Variants in JPH3 observed in about 807,000 individuals in gnomAD.
The protein encoded by JPH3 is junctophilin-3.
JPH3 carries 11 observed loss-of-function variants against 59.6 expected under a neutral mutation model. The ratio of observed to expected loss-of-function variants is 0.18; its 90% CI spans 0.12 to 0.31. JPH3 has a LOEUF of 0.31. JPH3 is among the 10% of genes least tolerant of loss of function. The pLI, the probability that JPH3 is intolerant of heterozygous loss-of-function variation, is 1.00. For missense variants in JPH3, 1,202 were observed against 1,105.7 expected, an observed-to-expected ratio of 1.09 and a Z score of -1.24; for synonymous variants, 673 against 483.6, an observed-to-expected ratio of 1.39 and a Z score of -5.14.
chr16:87,674,207 G>A (rs1464038896), intron 2 of JPH3, among the ~76,000 whole-genome samples: 3 of 152,012 alleles, frequency 2.0e-5, no homozygotes, highest in East Asian at 1.9e-4. Flanking sequence ...GGTGGCGGGC[G>A]CCTGTAGTCC....
At chr16:87,664,331 GA>G (rs71389874) in intron 2 of JPH3, among the ~76,000 whole-genome samples, 103 of 127,712 alleles carry the variant, frequency 8.1e-4, no homozygotes, top group Middle Eastern at 0.011. Context: ...GACTCTGTCT[GA>G]AAAAAAAAAA....
intron 2 of JPH3, among the ~76,000 whole-genome samples, chr16:87,672,555 TG>T (rs1393670266): frequency 6.6e-6 from 1 of 152,128 alleles, no homozygotes; most frequent in Non-Finnish European, 1.5e-5. Flanking sequence ...CATCCTGTAT[TG>T]GGGGAGAACG....
chr16:87,642,828 A>G (rs1238769950), intron 1 of JPH3, among the ~76,000 whole-genome samples: 1 of 152,242 alleles, frequency 6.6e-6, no homozygotes, highest in African/African-American at 2.4e-5. Context: ...TCCCTGAGTC[A>G]CAGCTCACAG....
rs770776135 is a variant in JPH3 at position 87,696,683 on chromosome 16, T to G, written c.*23T>G. 9 of 1,585,994 alleles carry G rather than the reference T, an allele frequency of 5.7e-6. No individual in the cohort carries two copies. The highest frequency in any genetic ancestry group is 3.3e-5 in the South Asian group (3 of 90,496). On this transcript the variant is annotated 3_prime_UTR_variant, in exon 5 of 5. Coordinates refer to ENST00000284262, the MANE Select transcript of JPH3 (RefSeq NM_020655.4). The stretch of plus-strand genomic sequence containing the variant: ...TGATGAGATGTCGCGGTAGCAAAAA[T>G]AGAGAAAGGGTAGAAAAAAGGGACA...
intron 1 of JPH3, among the ~76,000 whole-genome samples, chr16:87,622,174 C>T (rs915708795): frequency 4.6e-5 from 7 of 152,186 alleles, no homozygotes; most frequent in Non-Finnish European, 7.3e-5. Context: ...ACCTCTCTGC[C>T]GCCGTCTGCC....
chr16:87,683,477 G>C (rs1378762261), intron 2 of JPH3, among the ~76,000 whole-genome samples: 2 of 151,698 alleles, frequency 1.3e-5, no homozygotes, highest in Non-Finnish European at 2.9e-5. Context: ...GCTAATTTTT[G>C]TAATTTTTAG....
In JPH3 at chr16:87,644,305, G is replaced by T; in HGVS notation, c.430G>T (p.Val144Phe). ...WVGGMRQGYG[V>F]RQSVPYGMAA... ...CGGTGGCATGCGCCAGGGCTACGGC[G>T]TCCGGCAGAGCGTCCCGTATGGCAT... Residue 144 changes from valine (V) to phenylalanine (F), a missense_variant, in exon 2 of 5, where the codon GTC (valine) becomes TTC (phenylalanine). Transcript: ENST00000284262. 2 of 1,612,566 alleles carry T rather than the reference G, an allele frequency of 1.2e-6. No homozygotes were observed. Among genetic ancestry groups the T allele is most frequent in the Non-Finnish European group, 1.7e-6 (2 of 1,179,796 alleles).
At chr16:87,671,731 A>C (rs904072447) in intron 2 of JPH3, among the ~76,000 whole-genome samples, 2 of 152,090 alleles carry the variant, frequency 1.3e-5, no homozygotes, top group Admixed American at 1.3e-4. Flanking sequence ...CCCTGGGCCC[A>C]AGATTCCTGG....
chr16:87,692,419 C>T (rs879876488), intron 4 of JPH3, among the ~76,000 whole-genome samples: 1 of 152,248 alleles, frequency 6.6e-6, no homozygotes, highest in African/African-American at 2.4e-5. Flanking sequence ...CCTTCAGTGC[C>T]ACCCCCTCAC....
intron 2 of JPH3, among the ~76,000 whole-genome samples, chr16:87,655,177 C>T (rs904138609): frequency 6.6e-6 from 1 of 152,208 alleles, no homozygotes; most frequent in Non-Finnish European, 1.5e-5. Context: ...GAGTCTGCCG[C>T]TGTGGGCTTC....
chr16:87,656,991 A>C (rs2032524919), intron 2 of JPH3, among the ~76,000 whole-genome samples: 1 of 152,202 alleles, frequency 6.6e-6, no homozygotes. Context: ...CCATCAGATT[A>C]GGGCCCCACC....
chr16:87,610,947 G>A (rs2030708780), intron 1 of JPH3, among the ~76,000 whole-genome samples: 1 of 152,090 alleles, frequency 6.6e-6, no homozygotes, highest in Admixed American at 6.5e-5. Context: ...CCTTTTCCTT[G>A]GCTTGATTCG....
chr16:87,689,931 G>A lies in JPH3; in HGVS notation c.1571G>A (p.Gly524Glu). The A allele has an allele frequency of 6.9e-7, 1 of 1,450,402 alleles. No individual in the cohort carries two copies. Among genetic ancestry groups the A allele is most frequent in the African/African-American group, 1.4e-5 (1 of 69,982 alleles). The allele number at this position is 1,450,402 out of a possible 1,614,324, so 89.8% of individuals were successfully genotyped here. A position where few individuals can be genotyped will look rare whatever the true frequency, so the allele number is the denominator to read the frequency against. The change falls in exon 4 of 5, where the codon GGG (glycine) becomes GAG (glutamate). Residue 524 changes from glycine (G) to glutamate (E), a missense_variant. By Grantham distance (98) the Gly-to-Glu change is moderately conservative. Coordinates refer to ENST00000284262, the MANE Select transcript of JPH3 (RefSeq NM_020655.4). The stretch of plus-strand genomic sequence containing the variant: ...CAGATGCTCCTGGAGGGCCGGGCCG[G>A]GGACTGCGCCCGCAGCAGCTGGGGC... ...DIQMLLEGRA[G>E]DCARSSWGEE...
intron 4 of JPH3, among the ~76,000 whole-genome samples, chr16:87,691,659 G>C (rs567536423): frequency 6.6e-6 from 1 of 152,116 alleles, no homozygotes; most frequent in Non-Finnish European, 1.5e-5. Flanking sequence ...ACGTCCTGCC[G>C]GGCGGCAATG....
chr16:87,621,497 C>T (rs903130578), intron 1 of JPH3, among the ~76,000 whole-genome samples: 2 of 152,208 alleles, frequency 1.3e-5, no homozygotes, highest in Admixed American at 1.3e-4. Flanking sequence ...TTCTTGCTCT[C>T]AGGAGCGTTG....
chr16:87,679,019 G>A (rs972935608), intron 2 of JPH3, among the ~76,000 whole-genome samples: 22 of 152,218 alleles, frequency 1.4e-4, no homozygotes. Context: ...ATTCATTACC[G>A]TAGCCCGGGA....
intron 3 of JPH3, among the ~76,000 whole-genome samples, chr16:87,687,978 G>C (rs954166723): frequency 9.9e-5 from 15 of 152,212 alleles, no homozygotes; most frequent in Non-Finnish European, 1.8e-4. Flanking sequence ...GCATGATTGG[G>C]GGCCTCTGAT....
chr16:87,643,615 G>A lies in JPH3; in HGVS notation c.383-643G>A, dbSNP rs145377806. Among the ~76,000 whole-genome samples, 343 of 152,292 alleles carry A rather than the reference G, an allele frequency of 2.3e-3. 3 individuals carry two copies. Among genetic ancestry groups the A allele is most frequent in the Non-Finnish European group, 4.2e-3 (283 of 68,024 alleles). On this transcript the variant is annotated intron_variant, in intron 1 of 4. Transcript: ENST00000284262. Reference sequence around the variant, plus strand: ...ACTCATTAGCCTCCTAACCCAGGACGCGTTTCCTTGTGCCCTTGGCAGGGG... The same window carrying A: ...ACTCATTAGCCTCCTAACCCAGGACACGTTTCCTTGTGCCCTTGGCAGGGG...
rs777652946 is a variant in JPH3 at position 87,645,021 on chromosome 16, G to C, written c.1146G>C (p.Glu382Asp). ...RAATIAKQKA[E>D]IAASRTSHSR... is the part of the protein sequence containing the mutation. ...CCACCATCGCCAAGCAGAAGGCTGA[G>C]ATCGCGGCTTCCAGGTAGGAGGGCG... The change falls in exon 2 of 5, where the codon GAG (glutamate) becomes GAC (aspartate). Residue 382 changes from glutamate to aspartate, a missense_variant. Transcript: ENST00000284262. 2 of 1,603,030 alleles carry C rather than the reference G, an allele frequency of 1.2e-6. No homozygotes were observed. The highest frequency in any genetic ancestry group is 1.7e-6 in the Non-Finnish European group (2 of 1,178,740).
Sources: gnomAD v4.1 joint callset for allele counts (sites outside exome capture counted in the v4.1 genomes callset) on GRCh38, gnomAD v4.1.1 for gene constraint, MANE v1.5 for transcripts, NCBI Gene and HGNC (gene_info 2026-07-23, HGNC 2026-07-21) for gene names.